Variants in PTPRD observed in about 807,000 individuals in gnomAD.
PTPRD encodes the protein receptor-type tyrosine-protein phosphatase delta.
Under a neutral mutation model 214.5 loss-of-function variants are expected in PTPRD, and 34 were observed. The ratio of observed to expected loss-of-function variants is 0.16; its 90% CI spans 0.12 to 0.21. The LOEUF (loss-of-function observed/expected upper bound fraction) is 0.21, where lower values mean the gene tolerates loss of function less well. Ranked by LOEUF, PTPRD falls within the 10% of genes least tolerant of loss-of-function variation. The pLI, the probability that PTPRD is intolerant of heterozygous loss-of-function variation, is 1.00. For missense variants in PTPRD, 2,545 were observed against 2,398.7 expected (o/e 1.06, Z -1.27); for synonymous variants, 1,128 against 845.7 (o/e 1.33, Z -5.79).
intron 7 of PTPRD, among the ~76,000 whole-genome samples, chr9:9,676,606 T>C (rs1407206069): frequency 6.6e-6 from 1 of 152,146 alleles, no homozygotes; most frequent in Non-Finnish European, 1.5e-5. Context: ...TGTGTCTTTA[T>C]AGCATCATGA....
Position 9,401,891 on chromosome 9 carries a change from C to G in PTPRD, c.-236-4409G>C, listed in dbSNP as rs75344121. Among the ~76,000 whole-genome samples the G allele has an allele frequency of 6.8e-3, 1,036 of 152,064 alleles. 11 individuals are homozygous for G. Among genetic ancestry groups the G allele is most frequent in the African/African-American group, 0.023 (937 of 41,506 alleles). On this transcript the variant is annotated intron_variant, in intron 8 of 45. Transcript: ENST00000381196. ...TGTGAAGAAGGACATGTTTGCTTCT[C>G]CTTCCGCCATTATTGTAAGTTTCCT...
At chr9:9,716,865 T>C (rs2097844981) in intron 7 of PTPRD, among the ~76,000 whole-genome samples, 1 of 152,056 alleles carries the variant, frequency 6.6e-6, no homozygotes, top group South Asian at 2.1e-4. Context: ...TGAGATCCCA[T>C]TTGTCAATTT....
chr9:8,557,745 TAA>T (rs752836520), intron 14 of PTPRD, among the ~76,000 whole-genome samples: 36 of 46,754 alleles, frequency 7.7e-4, no homozygotes, highest in African/African-American at 4.1e-3. Flanking sequence ...TGTCTCTCAA[TAA>T]AAAAAAAAAA....
intron 12 of PTPRD, among the ~76,000 whole-genome samples, chr9:8,698,439 G>A (rs2097981741): frequency 6.6e-6 from 1 of 152,208 alleles, no homozygotes; most frequent in Non-Finnish European, 1.5e-5. Flanking sequence ...AATGTAGCAA[G>A]TGTATCTCCT....
chr9:10,182,527 T>G (rs941563975), intron 3 of PTPRD, among the ~76,000 whole-genome samples: 9 of 152,074 alleles, frequency 5.9e-5, no homozygotes, highest in Admixed American at 2.6e-4. Context: ...TTATCAGTAA[T>G]ATCTCTAAGT....
chr9:8,513,276 A>T (rs555843136), intron 21 of PTPRD, among the ~76,000 whole-genome samples: 1 of 152,196 alleles, frequency 6.6e-6, no homozygotes, highest in African/African-American at 2.4e-5. Context: ...TCTGACTGTA[A>T]AACAGACAGA....
At chr9:9,275,494 T>C (rs1329047315) in intron 9 of PTPRD, among the ~76,000 whole-genome samples, 1 of 150,992 alleles carries the variant, frequency 6.6e-6, no homozygotes, top group Admixed American at 6.6e-5. Flanking sequence ...CTTACATATC[T>C]CAGTCTTGGA....
intron 8 of PTPRD, among the ~76,000 whole-genome samples, chr9:9,541,151 C>A (rs562002040): frequency 1.3e-3 from 201 of 151,810 alleles, no homozygotes; most frequent in African/African-American, 4.3e-3. Flanking sequence ...CACTATGAAC[C>A]AACTTTCCTA....
chr9:8,772,025 T>C (rs527812391), intron 11 of PTPRD, among the ~76,000 whole-genome samples: 1 of 152,194 alleles, frequency 6.6e-6, no homozygotes, highest in South Asian at 2.1e-4. Flanking sequence ...CCTGATGTGA[T>C]TATTATGCAT....
intron 11 of PTPRD, among the ~76,000 whole-genome samples, chr9:8,750,010 G>C (rs946692612): frequency 2.0e-5 from 3 of 152,000 alleles, no homozygotes; most frequent in African/African-American, 7.2e-5. Flanking sequence ...AGCTGAGGCA[G>C]GAGAATCGCT....
intron 14 of PTPRD, among the ~76,000 whole-genome samples, chr9:8,627,205 G>C (rs903976511): frequency 1.3e-5 from 2 of 151,830 alleles, no homozygotes; most frequent in Non-Finnish European, 2.9e-5. Flanking sequence ...ATGTCAGCTG[G>C]AAGAACATTG....
chr9:9,621,165 CTG>C (rs1370924236), intron 7 of PTPRD, among the ~76,000 whole-genome samples: 1 of 152,214 alleles, frequency 6.6e-6, no homozygotes, highest in Non-Finnish European at 1.5e-5. Context: ...TTTCTCCTAA[CTG>C]TGAATACTTG....
intron 3 of PTPRD, among the ~76,000 whole-genome samples, chr9:10,212,114 A>C (rs184720996): frequency 6.6e-6 from 1 of 152,240 alleles, no homozygotes; most frequent in East Asian, 1.9e-4. Flanking sequence ...TTCAATTTAC[A>C]CTATACCATT....
chr9:8,784,690 C>T (rs1027604926), intron 11 of PTPRD, among the ~76,000 whole-genome samples: 2 of 152,114 alleles, frequency 1.3e-5, no homozygotes, highest in African/African-American at 4.8e-5. Context: ...GTTTGCTTAG[C>T]CTGCTTACCA....
intron 5 of PTPRD, among the ~76,000 whole-genome samples, chr9:9,859,147 G>A (rs1224956480): frequency 3.9e-5 from 6 of 152,136 alleles, no homozygotes; most frequent in Admixed American, 3.3e-4. Context: ...CTCTTCTACT[G>A]CCTTGTGAAG....
At chr9:9,254,821 T>A (rs1031511877) in intron 9 of PTPRD, among the ~76,000 whole-genome samples, 3 of 152,062 alleles carry the variant, frequency 2.0e-5, no homozygotes, top group Admixed American at 6.6e-5. Context: ...AGTTCCTGGA[T>A]TTGAATTCCT....
chr9:9,751,277 A>C (rs1272905815), intron 6 of PTPRD, among the ~76,000 whole-genome samples: 1 of 152,064 alleles, frequency 6.6e-6, no homozygotes, highest in African/African-American at 2.4e-5. Context: ...TTATTCATTT[A>C]TTTTTAAATC....
chr9:8,453,978 T>C (rs2096072651), intron 33 of PTPRD, among the ~76,000 whole-genome samples: 1 of 152,228 alleles, frequency 6.6e-6, no homozygotes, highest in Non-Finnish European at 1.5e-5. Flanking sequence ...TACATAAGTG[T>C]ATATGAATAT....
chr9:9,061,453 A>C (rs1458536684), intron 10 of PTPRD, among the ~76,000 whole-genome samples: 1 of 152,188 alleles, frequency 6.6e-6, no homozygotes, highest in African/African-American at 2.4e-5. Context: ...ACACTATTGA[A>C]TATATTATGA....
Sources: allele counts gnomAD v4.1 joint callset (sites outside exome capture counted in the v4.1 genomes callset), GRCh38; gene constraint gnomAD v4.1.1; transcripts MANE v1.5; gene names NCBI Gene and HGNC (gene_info 2026-07-23, HGNC 2026-07-21).